Variants in CFAP96 observed in about 807,000 individuals in gnomAD.
The protein encoded by CFAP96 is cilia-and flagella-associated protein 96.
the CFAP96 span, among the ~76,000 whole-genome samples, chr4:185,442,545 C>T: frequency 0.85 from 129,155 of 152,094 alleles, 55,762 homozygotes; most frequent in East Asian, 0.99. Flanking sequence ...ATTTTCTTGA[C>T]TTTCTTTTGC....
At chr4:185,429,048 TATC>T in the CFAP96 span, among the ~76,000 whole-genome samples, 1 of 152,250 alleles carries the variant, frequency 6.6e-6, no homozygotes, top group Non-Finnish European at 1.5e-5. Flanking sequence ...GTAATAATTT[TATC>T]ATTTCCAACA....
chr4:185,413,851 G>C, the CFAP96 span: 1 of 1,605,808 alleles, frequency 6.2e-7, no homozygotes, highest in Non-Finnish European at 8.5e-7. Context: ...TCGTGAGGCA[G>C]ATTGAAAAGA....
At chr4:185,432,032 T>G in the CFAP96 span, 1 of 1,551,566 alleles carries the variant, frequency 6.4e-7, no homozygotes, top group Non-Finnish European at 8.7e-7. Context: ...ACCTGGAGGG[T>G]CCAAAGAAAT....
At chr4:185,425,428 T>A in the CFAP96 span, among the ~76,000 whole-genome samples, 2 of 152,006 alleles carry the variant, frequency 1.3e-5, no homozygotes, top group African/African-American at 2.4e-5. Context: ...GTGTAAAGCG[T>A]CCCTGAAGAG....
the CFAP96 span, among the ~76,000 whole-genome samples, chr4:185,428,580 CAACAAAA>C: frequency 1.6e-4 from 1 of 6,240 alleles, no homozygotes; most frequent in South Asian, 6.5e-3. Flanking sequence ...ACAACAACAA[CAACAAAA>C]AAAAAAGAGA....
At chr4:185,428,582 AC>A in the CFAP96 span, among the ~76,000 whole-genome samples, 2,274 of 11,432 alleles carry the variant, frequency 0.2, 34 homozygotes, top group East Asian at 0.4. Context: ...AACAACAACA[AC>A]AAAAAAAAAA....
chr4:185,436,210 A>G, the CFAP96 span: 3 of 1,545,396 alleles, frequency 1.9e-6, no homozygotes, highest in African/African-American at 4.1e-5. Flanking sequence ...ACTTTGTCAT[A>G]TCGTTTGTTT....
the CFAP96 span, among the ~76,000 whole-genome samples, chr4:185,426,962 G>A: frequency 2.4e-3 from 357 of 151,110 alleles, 3 homozygotes; most frequent in African/African-American, 8.0e-3. Flanking sequence ...TACTCGGGAG[G>A]CTGAGACAGG....
the CFAP96 span, chr4:185,413,730 C>T: frequency 2.2e-5 from 36 of 1,607,924 alleles, no homozygotes; most frequent in Admixed American, 6.2e-4. Context: ...ACTCACCATA[C>T]CAGTCTCCAT....
At chr4:185,447,096 T>C in the CFAP96 span, among the ~76,000 whole-genome samples, 2 of 152,232 alleles carry the variant, frequency 1.3e-5, no homozygotes, top group African/African-American at 2.4e-5. Context: ...CTCAAACCTG[T>C]CTTTTATGTG....
chr4:185,415,469 A>C, the CFAP96 span: 4 of 885,864 alleles, frequency 4.5e-6, no homozygotes, highest in Non-Finnish European at 6.5e-6. Context: ...TGCTAAAGGA[A>C]GTCTGAATTA....
At chr4:185,431,751 A>G in the CFAP96 span, among the ~76,000 whole-genome samples, 1 of 152,228 alleles carries the variant, frequency 6.6e-6, no homozygotes, top group Non-Finnish European at 1.5e-5. Context: ...TCTAAAACTC[A>G]GAGTGTATAA....
the CFAP96 span, among the ~76,000 whole-genome samples, chr4:185,412,101 T>G: frequency 6.6e-6 from 1 of 151,578 alleles, no homozygotes; most frequent in Non-Finnish European, 1.5e-5. Flanking sequence ...AGGAGCTCCC[T>G]GGTATTCATT....
the CFAP96 span, among the ~76,000 whole-genome samples, chr4:185,411,133 A>T: frequency 4.1e-5 from 6 of 146,858 alleles, no homozygotes; most frequent in Non-Finnish European, 6.1e-5. Context: ...TTTTTTTTTT[A>T]AAAGACACAA....
the CFAP96 span, among the ~76,000 whole-genome samples, chr4:185,417,504 A>C: frequency 6.6e-6 from 1 of 152,126 alleles, no homozygotes; most frequent in African/African-American, 2.4e-5. Context: ...ATCCCTAAAT[A>C]TCTCTTGTAT....
At chr4:185,447,426 C>T in the CFAP96 span, among the ~76,000 whole-genome samples, 2 of 152,098 alleles carry the variant, frequency 1.3e-5, no homozygotes, top group Non-Finnish European at 2.9e-5. Context: ...GTGATCCACC[C>T]ACCTTGGCCT....
chr4:185,419,899 G>T, the CFAP96 span, among the ~76,000 whole-genome samples: 2 of 152,130 alleles, frequency 1.3e-5, no homozygotes, highest in Non-Finnish European at 1.5e-5. Context: ...TTTCTGTGTG[G>T]ATGTGTTTTC....
the CFAP96 span, among the ~76,000 whole-genome samples, chr4:185,424,858 T>C: frequency 1.3e-5 from 2 of 152,360 alleles, no homozygotes; most frequent in South Asian, 2.1e-4. Context: ...AGGGTTGTTA[T>C]GAAGATTCCA....
the CFAP96 span, among the ~76,000 whole-genome samples, chr4:185,444,189 A>G: frequency 3.3e-5 from 5 of 149,810 alleles, no homozygotes; most frequent in Admixed American, 6.6e-5. Context: ...TCCTGACCTC[A>G]TGATCCACCC....
Sources: gnomAD v4.1 joint callset for allele counts (sites outside exome capture counted in the v4.1 genomes callset) on GRCh38, gnomAD v4.1.1 for gene constraint, MANE v1.5 for transcripts, NCBI Gene and HGNC (gene_info 2026-07-23, HGNC 2026-07-21) for gene names.